CYS1: variants seen among roughly 807,000 people sequenced by gnomAD.
CYS1 encodes the protein cystin 1, also known as cystin-1.
A neutral mutation model predicts 9.6 loss-of-function variants in CYS1; 5 were observed. The observed-to-expected ratio is 0.52, with a 90% CI of 0.27 to 1.10. The LOEUF (loss-of-function observed/expected upper bound fraction) is 1.10, where lower values mean the gene tolerates loss of function less well. CYS1 is among the 50% of genes least tolerant of loss of function. The pLI, the probability that CYS1 is intolerant of heterozygous loss-of-function variation, is 0.11. For synonymous variants in CYS1, 88 were observed against 95.7 expected (o/e 0.92, Z 0.47); for missense variants, 221 against 207.9 (o/e 1.06, Z -0.39).
At chr2:10,060,236 G>A (rs981217061) in intron 2 of CYS1, among the ~76,000 whole-genome samples, 4 of 152,224 alleles carry the variant, frequency 2.6e-5, no homozygotes, top group African/African-American at 4.8e-5. Flanking sequence ...TGGGAACACC[G>A]CCAACTGCTT....
intron 1 of CYS1, among the ~76,000 whole-genome samples, chr2:10,075,131 G>A (rs113264849): frequency 2.7e-5 from 4 of 149,766 alleles, no homozygotes; most frequent in Non-Finnish European, 4.4e-5. Context: ...AAAAAAAATC[G>A]CTTCTGGACC....
chr2:10,073,003 G>C (rs1661792731), intron 1 of CYS1, among the ~76,000 whole-genome samples: 1 of 150,502 alleles, frequency 6.6e-6, no homozygotes, highest in South Asian at 2.1e-4. Context: ...GAGCAGTGCA[G>C]ATGTGTGGGA....
At chr2:10,070,626 G>C (rs970604006) in intron 1 of CYS1, among the ~76,000 whole-genome samples, 5 of 151,862 alleles carry the variant, frequency 3.3e-5, no homozygotes, top group African/African-American at 9.7e-5. Flanking sequence ...GATTACAGGT[G>C]TGAGCCACTG....
intron 2 of CYS1, among the ~76,000 whole-genome samples, chr2:10,062,401 C>CT (rs201124927): frequency 0.023 from 3,453 of 147,700 alleles, 138 homozygotes; most frequent in African/African-American, 0.081. Flanking sequence ...CTCTTTTTTT[C>CT]TTTTTTTTTT....
rs1661651985 is a variant in CYS1, at chr2:10,063,256, A to G, written c.371+2648T>C. Among the ~76,000 whole-genome samples, 1 of 152,198 alleles carries G rather than the reference A, an allele frequency of 6.6e-6. No individual in the cohort carries two copies. Among genetic ancestry groups the G allele is most frequent in the East Asian group, 1.9e-4 (1 of 5,192 alleles). ...CTGGAGAGAAGAGAGGGGACAGGGCAGGACCACATCACGTGGACCTACTAC... is the reference window on the plus strand; with the variant it reads ...CTGGAGAGAAGAGAGGGGACAGGGCGGGACCACATCACGTGGACCTACTAC... On this transcript the variant is annotated intron_variant, in intron 2 of 2. Coordinates refer to ENST00000381813, the MANE Select transcript of CYS1 (RefSeq NM_001037160.3). This position sits in a 1 kb window ranked among gnomAD's most constrained non-coding sequence, Gnocchi z 4.2.
Position 10,080,303 on chromosome 2 carries a change from G to T in CYS1, c.-80C>A. On this transcript the variant is annotated 5_prime_UTR_variant, in exon 1 of 3. Transcript: ENST00000381813. This position sits in a 1 kb window ranked among gnomAD's most constrained non-coding sequence, Gnocchi z 6.4. Reference sequence around the variant, plus strand: ...CGGGGGCGGGGACGCTAGGGGGTGCGGCCGGGGCGGGCTGCAGGGGGAGGC... The same window carrying T: ...CGGGGGCGGGGACGCTAGGGGGTGCTGCCGGGGCGGGCTGCAGGGGGAGGC... 2.2e-6 allele frequency: 2 copies of T among 897,972 alleles called. No individual in the cohort carries two copies. Among genetic ancestry groups the T allele is most frequent in the Non-Finnish European group, 2.7e-6 (2 of 746,392 alleles). 55.6% of individuals were successfully genotyped at this position (897,972 alleles called of 1,614,324 possible).
intron 1 of CYS1, among the ~76,000 whole-genome samples, chr2:10,079,663 G>T (rs546873237): frequency 6.6e-6 from 1 of 151,860 alleles, no homozygotes; most frequent in Non-Finnish European, 1.5e-5. Context: ...CTCCGCCTAG[G>T]GGTGTCCTTC....
Position 10,076,421 on chromosome 2 carries a change from C to T in CYS1, c.318+3485G>A, listed in dbSNP as rs1326133255. On this transcript the variant is annotated intron_variant, in intron 1 of 2. Coordinates refer to ENST00000381813, the MANE Select transcript of CYS1 (RefSeq NM_001037160.3). This position sits in a 1 kb window ranked among gnomAD's most constrained non-coding sequence, Gnocchi z 4.3. ...CTTCCTACAAGAGCTGACTGCACCG[C>T]CCTCCTTGTGTCCTATTCTCCATGA... Among the ~76,000 whole-genome samples, 1 of 152,078 alleles carries T rather than the reference C, an allele frequency of 6.6e-6. No individual in the cohort carries two copies. The highest frequency in any genetic ancestry group is 6.6e-5 in the Admixed American group (1 of 15,264).
At chr2:10,072,950 C>A (rs1406084302) in intron 1 of CYS1, among the ~76,000 whole-genome samples, 1 of 135,936 alleles carries the variant, frequency 7.4e-6, no homozygotes, top group Non-Finnish European at 1.6e-5. Context: ...GGGGTCTGCG[C>A]GGGGGAGCAG....
intron 2 of CYS1, among the ~76,000 whole-genome samples, chr2:10,061,000 G>A (rs1161841165): frequency 6.6e-6 from 1 of 152,198 alleles, no homozygotes; most frequent in Admixed American, 6.5e-5. Context: ...GGAGGCCGAG[G>A]CAGGTGGATT....
Position 10,074,219 on chromosome 2 carries a change from C to T in CYS1, c.318+5687G>A, listed in dbSNP as rs145123306. 3.6e-3 allele frequency among the ~76,000 whole-genome samples: 545 copies of T among 152,314 alleles called. 1 individual carries two copies. The highest frequency in any genetic ancestry group is 0.014 in the Middle Eastern group (4 of 294). ...CACTTTTCGCAGTTGACAGGAATTT[C>T]GGACAGCCCACGGAAATTATCCACC... On this transcript the variant is annotated intron_variant, in intron 1 of 2. Coordinates refer to ENST00000381813, the MANE Select transcript of CYS1 (RefSeq NM_001037160.3).
chr2:10,065,701 G>T (rs1661686045), intron 2 of CYS1, among the ~76,000 whole-genome samples: 2 of 152,248 alleles, frequency 1.3e-5, no homozygotes, highest in Admixed American at 1.3e-4. Flanking sequence ...GAAGAGCAAA[G>T]CTGCGGTGAG....
Position 10,057,213 on chromosome 2 carries a change from T to C in CYS1, c.*1640A>G, listed in dbSNP as rs1661562383. On this transcript the variant is annotated 3_prime_UTR_variant, in exon 3 of 3. Transcript: ENST00000381813. ...TATTTTAAAAGATGTATTTGCATTA[T>C]TAAAATATAGTAACGACTTCCATCT... 1 of 152,286 alleles carries C rather than the reference T, an allele frequency of 6.6e-6. No individual in the cohort carries two copies. Among genetic ancestry groups the C allele is most frequent in the Non-Finnish European group, 1.5e-5 (1 of 68,052 alleles). The allele number at this position is 152,286 out of a possible 1,614,324, so 9.4% of individuals were successfully genotyped here. A position where few individuals can be genotyped will look rare whatever the true frequency, so the allele number is the denominator to read the frequency against.
chr2:10,064,150 G>A (rs146456209), intron 2 of CYS1, among the ~76,000 whole-genome samples: 1,663 of 152,232 alleles, frequency 0.011, 32 homozygotes, highest in East Asian at 0.026. Flanking sequence ...TTGAACCCGG[G>A]TGGTGGAGAC....
At chr2:10,074,221 G>C (rs1356265251) in intron 1 of CYS1, among the ~76,000 whole-genome samples, 1 of 152,154 alleles carries the variant, frequency 6.6e-6, no homozygotes, top group Non-Finnish European at 1.5e-5. Flanking sequence ...AGGAATTTCG[G>C]ACAGCCCACG....
chr2:10,079,877 C>T (rs1661915161), intron 1 of CYS1, 29 bp downstream of exon 1: 1 of 1,095,694 alleles, frequency 9.1e-7, no homozygotes, highest in South Asian at 4.4e-5. Context: ...CCCCGCCGTC[C>T]CCCGAGGCCC....
At chr2:10,071,595 C>T (rs1013444765) in intron 1 of CYS1, among the ~76,000 whole-genome samples, 3 of 152,214 alleles carry the variant, frequency 2.0e-5, no homozygotes, top group African/African-American at 2.4e-5. Flanking sequence ...GATTTTATTG[C>T]GTGGCCCTTT....
intron 1 of CYS1, among the ~76,000 whole-genome samples, chr2:10,069,124 G>A (rs185952146): frequency 3.5e-4 from 53 of 152,114 alleles, no homozygotes; most frequent in East Asian, 1.7e-3. Context: ...ATGAGCAGGC[G>A]GAGACAGGCC....
chr2:10,065,786 C>G, intron 2 of CYS1, 118 bp downstream of exon 2: 1 of 971,952 alleles, frequency 1.0e-6, no homozygotes. Context: ...AGGGAGCTGC[C>G]TCTGGAAACC....
Sources: allele counts gnomAD v4.1 joint callset (sites outside exome capture counted in the v4.1 genomes callset), GRCh38; gene constraint gnomAD v4.1.1; non-coding constraint Gnocchi (gnomAD v3.1); transcripts MANE v1.5; gene names NCBI Gene and HGNC (gene_info 2026-07-23, HGNC 2026-07-21).